The following COL17A1 variants were observed in gnomAD, a reference collection of about 807,000 sequenced individuals.
COL17A1 encodes the protein collagen type XVII alpha 1 chain, also known as collagen alpha-1(XVII) chain.
Under a neutral mutation model 218.4 loss-of-function variants are expected in COL17A1, and 181 were observed. The observed-to-expected ratio is 0.83, with a 90% CI of 0.73 to 0.94. COL17A1 has a LOEUF of 0.94. Ranked by LOEUF, COL17A1 falls within the 40% of genes least tolerant of loss-of-function variation. The pLI, the probability that COL17A1 is intolerant of heterozygous loss-of-function variation, is 0.00. For missense variants in COL17A1, 1,924 were observed against 1,945.9 expected, an observed-to-expected ratio of 0.99 and a Z score of 0.21; for synonymous variants, 721 against 731.0, an observed-to-expected ratio of 0.99 and a Z score of 0.22.
chr10:104,046,902 A>C, intron 31 of COL17A1, 129 bp from the exon 32 acceptor site: 6 of 839,378 alleles, frequency 7.1e-6, no homozygotes, highest in Non-Finnish European at 1.2e-5. Flanking sequence ...GACACGTCTC[A>C]TGCCGGGGCA....
chr10:104,084,474 T>C (rs1227968045), intron 1 of COL17A1, among the ~76,000 whole-genome samples: 1 of 152,134 alleles, frequency 6.6e-6, no homozygotes. Context: ...CACACCCAGC[T>C]AATTTTTGTA....
At chr10:104,061,319 A>G in intron 13 of COL17A1, 86 bp downstream of exon 13, 1 of 1,337,112 alleles carries the variant, frequency 7.5e-7, no homozygotes, top group Non-Finnish European at 1.0e-6. Flanking sequence ...TACCATGTGT[A>G]TTGGAAGGAT....
rs763573862 is a variant in COL17A1, at chr10:104,064,583, G to A, written c.621C>T (p.Tyr207=). Residue 207 remains tyrosine, a synonymous_variant, in exon 10 of 56, where the codon TAC becomes TAT. Transcript: ENST00000648076. ...TASSQSVSGT[Y]DATILDANLP... is the part of the protein sequence containing the mutation. ...GGTTGGCATCCAGGATCGTTGCATCGTAGGTGCCTGACACTGGAAACAGAC... is the reference window on the plus strand; with the variant it reads ...GGTTGGCATCCAGGATCGTTGCATCATAGGTGCCTGACACTGGAAACAGAC... The A allele has an allele frequency of 9.3e-6, 15 of 1,613,026 alleles. No individual in the cohort carries two copies. In the African/African-American group the frequency reaches 9.3e-5, roughly 10 times the overall value.
At chr10:104,057,224 C>G (rs368692497) in intron 16 of COL17A1, 52 bp from the exon 17 acceptor site, 5 of 1,613,264 alleles carry the variant, frequency 3.1e-6, no homozygotes, top group Non-Finnish European at 4.2e-6. Flanking sequence ...CCTGCCTTTT[C>G]CCTCCAGATT....
intron 9 of COL17A1, among the ~76,000 whole-genome samples, chr10:104,068,064 G>A (rs867111101): frequency 2.0e-5 from 3 of 152,120 alleles, no homozygotes; most frequent in African/African-American, 7.2e-5. Context: ...GCTGGCGGAG[G>A]GGAGTCTGAA....
chr10:104,036,444 C>T (rs916569406), intron 48 of COL17A1, 48 bp downstream of exon 48: 1 of 1,612,738 alleles, frequency 6.2e-7, no homozygotes, highest in East Asian at 2.2e-5. Context: ...GAGTCCTCAT[C>T]CCAGTCATCC....
At chr10:104,065,772 A>G (rs2086621168) in intron 9 of COL17A1, among the ~76,000 whole-genome samples, 2 of 152,204 alleles carry the variant, frequency 1.3e-5, no homozygotes. Context: ...CTGCTTGAAG[A>G]GAAGGTGCTC....
At position 104,061,439 on chromosome 10, in the gene COL17A1, A is replaced by G. The variant is rs778743847; in HGVS notation, c.945T>C (p.Pro315=). ...TGGAAACGCCAGTGTTCACAGCCGC[A>G]GGACTCTGGGGCATGTTTTTCTTCA... ...YGVKKNMPQS[P]AAVNTGVSTS... The change falls in exon 13 of 56, where the codon CCT becomes CCC. Residue 315 remains proline, a synonymous_variant. Coordinates refer to ENST00000648076, the MANE Select transcript of COL17A1 (RefSeq NM_000494.4). 8.7e-6 allele frequency: 14 copies of G among 1,613,572 alleles called. No individual in the cohort carries two copies. The highest frequency in any genetic ancestry group is 1.3e-5 in the African/African-American group (1 of 74,938).
chr10:104,074,230 C>T lies in COL17A1; in HGVS notation c.333G>A (p.Gly111=), dbSNP rs761266212. ...CCGGAGAAGAGTTGCCACTGGAGCT[C>T]CCTGGAGAGGGGATGAAACACTTAG... is the stretch of plus-strand genomic sequence containing the variant. ...KTHVTRHAYE[G]SSSGNSSPEY... The change falls in exon 6 of 56, where the codon GGG becomes GGA. Residue 111 remains glycine, a splice_region_variant and synonymous_variant. Coordinates refer to ENST00000648076, the MANE Select transcript of COL17A1 (RefSeq NM_000494.4). 2 of 1,614,180 alleles carry T rather than the reference C, an allele frequency of 1.2e-6. No homozygotes were observed. Among genetic ancestry groups the T allele is most frequent in the South Asian group, 2.2e-5 (2 of 91,078 alleles).
chr10:104,047,920 G>A lies in COL17A1; in HGVS notation c.2264-110C>T, dbSNP rs1052312422. On this transcript the variant is annotated intron_variant, in intron 30 of 55. Coordinates refer to ENST00000648076, the MANE Select transcript of COL17A1 (RefSeq NM_000494.4). ...GTTTTCCTAATTGACTTGCTGGCAGGTGGAAAGGAGAAGGGGAACAGAACT... is the reference window on the plus strand; with the variant it reads ...GTTTTCCTAATTGACTTGCTGGCAGATGGAAAGGAGAAGGGGAACAGAACT... The A allele has an allele frequency of 5.1e-6, 7 of 1,366,140 alleles. No individual in the cohort carries two copies. In the African/African-American group the frequency reaches 1.0e-4, roughly 20 times the overall value. 84.6% of individuals were successfully genotyped at this position (1,366,140 alleles called of 1,614,324 possible). A position where few individuals can be genotyped will look rare whatever the true frequency, so the allele number is the denominator to read the frequency against.
intron 1 of COL17A1, among the ~76,000 whole-genome samples, chr10:104,085,322 T>C (rs756125693): frequency 1.3e-5 from 2 of 152,004 alleles, no homozygotes; most frequent in Non-Finnish European, 2.9e-5. Context: ...CTTCGTCCAG[T>C]GGAGAGAGAG....
At chr10:104,044,903 A>G (rs772356748) in intron 33 of COL17A1, among the ~76,000 whole-genome samples, 3 of 152,116 alleles carry the variant, frequency 2.0e-5, no homozygotes, top group Admixed American at 6.5e-5. Context: ...CTCAGTTATC[A>G]TTATTTTGGA....
chr10:104,075,518 G>A (rs1360756023), intron 5 of COL17A1, among the ~76,000 whole-genome samples: 1 of 152,156 alleles, frequency 6.6e-6, no homozygotes, highest in Non-Finnish European at 1.5e-5. Flanking sequence ...CAGCCAAAAT[G>A]TCCCTTCTCT....
chr10:104,065,847 C>T (rs1177179424), intron 9 of COL17A1, among the ~76,000 whole-genome samples: 4 of 152,194 alleles, frequency 2.6e-5, no homozygotes, highest in Non-Finnish European at 5.9e-5. Context: ...ATCCCCAGGC[C>T]AGGATAGATC....
chr10:104,033,466 C>T, intron 52 of COL17A1, 91 bp from the exon 53 acceptor site: 1 of 1,478,486 alleles, frequency 6.8e-7, no homozygotes, highest in Non-Finnish European at 9.2e-7. Context: ...GTCAAACTCC[C>T]AAAGCAGTTG....
At position 104,057,310 on chromosome 10, in the gene COL17A1, G is replaced by A. The variant is rs1338758172; in HGVS notation, c.1268-138C>T. Reference sequence around the variant, plus strand: ...CAAGTTCCTGTGCTGTTCCACCCAGGACAGGGCTGGCTCCTGGACTGAGCA... The same window carrying A: ...CAAGTTCCTGTGCTGTTCCACCCAGAACAGGGCTGGCTCCTGGACTGAGCA... On this transcript the variant is annotated intron_variant, in intron 16 of 55. Transcript: ENST00000648076. 7.3e-6 allele frequency: 10 copies of A among 1,377,938 alleles called. No homozygotes were observed. In the East Asian group the frequency reaches 1.4e-4, roughly 19 times the overall value. The allele number at this position is 1,377,938 out of a possible 1,614,324, so 85.4% of individuals were successfully genotyped here.
Position 104,035,461 on chromosome 10 carries a change from T to C in COL17A1, c.3508+13A>G, listed in dbSNP as rs2086270467. 6.2e-7 allele frequency: 1 copy of C among 1,614,042 alleles called. No homozygotes were observed. Among genetic ancestry groups the C allele is most frequent in the Non-Finnish European group, 8.5e-7 (1 of 1,179,968 alleles). ...CCCAACCAGTTGGACAGATGTCCCC[T>C]GCTGGGCCTTACCTCGCAGCAAGGA... is the stretch of plus-strand genomic sequence containing the variant. On this transcript the variant is annotated intron_variant, in intron 49 of 55. Transcript: ENST00000648076.
rs753745971 is a variant in COL17A1, at chr10:104,041,090, T to A, written c.2676A>T (p.Pro892=). Reference sequence around the variant, plus strand: ...CTGAGTTGGACAGGAACGATCCTGGTGGGCCTGGTGGGCCTGGCAAACCCT... The same window carrying A: ...CTGAGTTGGACAGGAACGATCCTGGAGGGCCTGGTGGGCCTGGCAAACCCT... ...PGEGLPGPPG[P]PGSFLSNSET... is the part of the protein sequence containing the mutation. The change falls in exon 39 of 56, where the codon CCA becomes CCT. Residue 892 remains proline (P), a synonymous_variant. Coordinates refer to ENST00000648076, the MANE Select transcript of COL17A1 (RefSeq NM_000494.4). The A allele has an allele frequency of 6.2e-7, 1 of 1,614,054 alleles. No homozygotes were observed. Among genetic ancestry groups the A allele is most frequent in the Non-Finnish European group, 8.5e-7 (1 of 1,179,960 alleles).
At position 104,080,675 on chromosome 10, in the gene COL17A1, C is replaced by T. The variant is rs768356144; in HGVS notation, c.-2G>A. The T allele has an allele frequency of 5.6e-6, 9 of 1,613,106 alleles. No homozygotes were observed. The African/African-American group carries it at 9.3e-5, about 17-fold the overall frequency. ...TTTGTTTTTCTTGGTTACATCCATA[C>T]CATAGCCACCTGCAGGAAAAATCAG... On this transcript the variant is annotated 5_prime_UTR_variant, in exon 2 of 56. Coordinates refer to ENST00000648076, the MANE Select transcript of COL17A1 (RefSeq NM_000494.4).
Sources: allele counts gnomAD v4.1 joint callset (sites outside exome capture counted in the v4.1 genomes callset), GRCh38; gene constraint gnomAD v4.1.1; transcripts MANE v1.5; gene names NCBI Gene and HGNC (gene_info 2026-07-23, HGNC 2026-07-21).